The following ARHGAP24 variants were observed in gnomAD, a reference collection of about 807,000 sequenced individuals.
ARHGAP24 encodes the protein rho GTPase-activating protein 24.
Under a neutral mutation model 76.4 loss-of-function variants are expected in ARHGAP24, and 50 were observed. That is an observed-to-expected ratio of 0.65 (90% confidence interval 0.52 to 0.83). ARHGAP24 has a LOEUF of 0.83. Ranked by LOEUF, ARHGAP24 falls within the 40% of genes least tolerant of loss-of-function variation. ARHGAP24 has a pLI of 0.00. For synonymous variants in ARHGAP24, 345 were observed against 323.3 expected, an observed-to-expected ratio of 1.07 and a Z score of -0.72; for missense variants, 930 against 914.2, an observed-to-expected ratio of 1.02 and a Z score of -0.22.
At chr4:85,664,148 T>C (rs1375885657) in intron 2 of ARHGAP24, among the ~76,000 whole-genome samples, 2 of 150,842 alleles carry the variant, frequency 1.3e-5, no homozygotes, top group Admixed American at 1.3e-4. Context: ...TCCTGGACTC[T>C]TTTTTGTTGG....
At chr4:85,867,586 T>G (rs931251741) in intron 3 of ARHGAP24, among the ~76,000 whole-genome samples, 1 of 151,964 alleles carries the variant, frequency 6.6e-6, no homozygotes, top group African/African-American at 2.4e-5. Flanking sequence ...TTTGGCTTGC[T>G]TCATAAAGTA....
At position 85,743,392 on chromosome 4, in the gene ARHGAP24, C is replaced by CAAAAA. The variant is rs774717006; in HGVS notation, c.268+21457_268+21461dup. ...AAGACGCCAAGGCGGGATCCCATCT[C>CAAAAA]AAAAAAAAAAAAAAAAAAAAAAAAA... On this transcript the variant is annotated intron_variant, in intron 3 of 9. Coordinates refer to ENST00000395184, the MANE Select transcript of ARHGAP24 (RefSeq NM_001025616.3). Among the ~76,000 whole-genome samples, 6 of 43,378 alleles carry CAAAAA rather than the reference C, an allele frequency of 1.4e-4. 1 individual carries two copies. Among genetic ancestry groups the CAAAAA allele is most frequent in the African/African-American group, 5.1e-4 (6 of 11,784 alleles). The allele number at this position is 43,378 out of a possible 152,430, so 28.5% of individuals were successfully genotyped here.
intron 2 of ARHGAP24, among the ~76,000 whole-genome samples, chr4:85,719,918 T>C (rs1724864232): frequency 6.6e-6 from 1 of 152,138 alleles, no homozygotes; most frequent in Non-Finnish European, 1.5e-5. Flanking sequence ...GGAAAGAATG[T>C]TGTCCTAAGG....
Position 85,643,538 on chromosome 4 carries a change from G to A in ARHGAP24, c.180+72817G>A, listed in dbSNP as rs1188279352. ...CTCCCAAAGTGCTGGGATTACAGGC[G>A]TGAGCCACCGCGCCCGGCCTTTTTT... On this transcript the variant is annotated intron_variant, in intron 2 of 9. Transcript: ENST00000395184. Among the ~76,000 whole-genome samples the A allele has an allele frequency of 2.7e-4, 21 of 77,748 alleles. 3 individuals carry two copies. Among genetic ancestry groups the A allele is most frequent in the Admixed American group, 5.7e-4 (3 of 5,304 alleles). The allele number at this position is 77,748 out of a possible 152,430, so 51.0% of individuals were successfully genotyped here.
At position 85,646,264 on chromosome 4, in the gene ARHGAP24, C is replaced by T. The variant is rs138626306; in HGVS notation, c.180+75543C>T. On this transcript the variant is annotated intron_variant, in intron 2 of 9. Transcript: ENST00000395184. ...TAATTTACCCAGAGAATACATTTCC[C>T]ATAGAAATTATATATGCATTTGATA... Among the ~76,000 whole-genome samples, 282 of 151,840 alleles carry T rather than the reference C, an allele frequency of 1.9e-3. 3 individuals carry two copies. The highest frequency in any genetic ancestry group is 6.5e-3 in the African/African-American group (268 of 41,458).
intron 2 of ARHGAP24, among the ~76,000 whole-genome samples, chr4:85,623,188 T>A (rs1227873304): frequency 6.6e-6 from 1 of 152,230 alleles, no homozygotes; most frequent in Non-Finnish European, 1.5e-5. Flanking sequence ...ATGTCCTGAA[T>A]GGTAATGCCT....
At chr4:85,712,664 A>G (rs1724572452) in intron 2 of ARHGAP24, among the ~76,000 whole-genome samples, 2 of 152,012 alleles carry the variant, frequency 1.3e-5, no homozygotes, top group Non-Finnish European at 2.9e-5. Flanking sequence ...CTCCACGTTC[A>G]TGTAGCCTCT....
At chr4:85,882,426 A>G (rs1399532080) in intron 3 of ARHGAP24, among the ~76,000 whole-genome samples, 2 of 152,152 alleles carry the variant, frequency 1.3e-5, no homozygotes, top group Non-Finnish European at 2.9e-5. Flanking sequence ...AGTTCATTCT[A>G]GAACCCCCTG....
At chr4:85,573,338 G>A (rs1727215609) in intron 2 of ARHGAP24, among the ~76,000 whole-genome samples, 1 of 152,150 alleles carries the variant, frequency 6.6e-6, no homozygotes, top group Non-Finnish European at 1.5e-5. Flanking sequence ...AGGGAACTTT[G>A]TAATATACAA....
At chr4:85,495,281 G>A (rs544206745) in intron 1 of ARHGAP24, among the ~76,000 whole-genome samples, 7 of 151,628 alleles carry the variant, frequency 4.6e-5, no homozygotes, top group Non-Finnish European at 7.4e-5. Context: ...GGAAGAGAGC[G>A]GCTAGTAGAA....
At chr4:85,507,233 T>C (rs890460002) in intron 1 of ARHGAP24, among the ~76,000 whole-genome samples, 42 of 152,166 alleles carry the variant, frequency 2.8e-4, no homozygotes, top group African/African-American at 8.4e-4. Context: ...ATTATTATTT[T>C]TTTTTAGAGA....
At chr4:85,780,497 A>G (rs1285298989) in intron 3 of ARHGAP24, among the ~76,000 whole-genome samples, 1 of 141,676 alleles carries the variant, frequency 7.1e-6, no homozygotes, top group African/African-American at 2.7e-5. Flanking sequence ...TATTATTTTT[A>G]TAGGACTTTT....
At chr4:85,792,532 C>G (rs145028588) in intron 3 of ARHGAP24, among the ~76,000 whole-genome samples, 98 of 151,942 alleles carry the variant, frequency 6.4e-4, no homozygotes, top group African/African-American at 2.2e-3. Flanking sequence ...TTTTTCATTT[C>G]TTGCATTTGT....
chr4:85,550,731 G>C (rs1214170215), intron 1 of ARHGAP24, among the ~76,000 whole-genome samples: 2 of 152,114 alleles, frequency 1.3e-5, no homozygotes, highest in Non-Finnish European at 2.9e-5. Context: ...TCTTTGAGTA[G>C]TGTTTTATAA....
intron 3 of ARHGAP24, among the ~76,000 whole-genome samples, chr4:85,879,760 A>G (rs1174453438): frequency 6.6e-6 from 1 of 152,128 alleles, no homozygotes; most frequent in Non-Finnish European, 1.5e-5. Flanking sequence ...AACTAAATGT[A>G]TTTAAACTGC....
At chr4:85,784,916 T>TATCTATCTATC (rs1378817357) in intron 3 of ARHGAP24, among the ~76,000 whole-genome samples, 4 of 22,226 alleles carry the variant, frequency 1.8e-4, no homozygotes, top group Admixed American at 5.1e-4. Context: ...TCTATCTATC[T>TATCTATCTATC]ATCTATCTAT....
intron 3 of ARHGAP24, among the ~76,000 whole-genome samples, chr4:85,784,907 CTATCTATCTA>C: frequency 1.4e-3 from 1 of 710 alleles, no homozygotes; most frequent in South Asian, 0.1. Context: ...TTATATATCT[CTATCTATCTA>C]TCTATCTATC....
At position 85,676,871 on chromosome 4, in the gene ARHGAP24, A is replaced by T. The variant is rs1475901226; in HGVS notation, c.181-45014A>T. The stretch of plus-strand genomic sequence containing the variant: ...AGTACAATAGCATGGTAAGGAAAGG[A>T]TTCCCATATTTCCTATTCCAGTGTC... On this transcript the variant is annotated intron_variant, in intron 2 of 9. Coordinates refer to ENST00000395184, the MANE Select transcript of ARHGAP24 (RefSeq NM_001025616.3). 3.3e-5 allele frequency among the ~76,000 whole-genome samples: 5 copies of T among 152,206 alleles called. No homozygotes were observed. In the East Asian group the frequency reaches 9.6e-4, roughly 29 times the overall value.
intron 3 of ARHGAP24, among the ~76,000 whole-genome samples, chr4:85,744,367 T>C (rs1344252185): frequency 6.6e-6 from 1 of 152,214 alleles, no homozygotes; most frequent in Non-Finnish European, 1.5e-5. Flanking sequence ...TCTATGAATT[T>C]TTAGGATTCT....
Sources: gnomAD v4.1 joint callset for allele counts (sites outside exome capture counted in the v4.1 genomes callset) on GRCh38, gnomAD v4.1.1 for gene constraint, MANE v1.5 for transcripts, NCBI Gene and HGNC (gene_info 2026-07-23, HGNC 2026-07-21) for gene names.